CACNA1D: variants seen among roughly 807,000 people sequenced by gnomAD.
CACNA1D encodes the protein voltage-dependent L-type calcium channel subunit alpha-1D.
A neutral mutation model predicts 257.1 loss-of-function variants in CACNA1D; 55 were observed. The observed-to-expected ratio is 0.21, with a 90% CI of 0.17 to 0.27. The LOEUF (loss-of-function observed/expected upper bound fraction) is 0.27, where lower values mean the gene tolerates loss of function less well. CACNA1D is among the 10% of genes least tolerant of loss of function. The pLI is 1.00. For synonymous variants in CACNA1D, 980 were observed against 1,014.9 expected (o/e 0.97, Z 0.65); for missense variants, 1,876 against 2,784.0 (o/e 0.67, Z 7.34).
At chr3:53,531,829 A>G (rs928435254) in intron 3 of CACNA1D, among the ~76,000 whole-genome samples, 1 of 152,208 alleles carries the variant, frequency 6.6e-6, no homozygotes, top group Non-Finnish European at 1.5e-5. Flanking sequence ...TCTTGAGCAA[A>G]TCAATCTTGC....
intron 37 of CACNA1D, 72 bp downstream of exon 37, chr3:53,777,028 G>A (rs2095401725): frequency 7.1e-6 from 8 of 1,126,452 alleles, no homozygotes; most frequent in Non-Finnish European, 1.1e-5. Flanking sequence ...CACTTGTTAA[G>A]TGACACAGCC....
chr3:53,513,379 C>T (rs561466544), intron 3 of CACNA1D, among the ~76,000 whole-genome samples: 2 of 152,342 alleles, frequency 1.3e-5, no homozygotes, highest in South Asian at 4.1e-4. Flanking sequence ...GCGTGCCTCA[C>T]ACCTGTAATC....
intron 29 of CACNA1D, among the ~76,000 whole-genome samples, chr3:53,755,139 G>C (rs967464681): frequency 6.6e-6 from 1 of 152,054 alleles, no homozygotes; most frequent in African/African-American, 2.4e-5. Context: ...TATTTGTCTG[G>C]ACTGATGGAA....
At chr3:53,612,317 T>C (rs1361920725) in intron 3 of CACNA1D, among the ~76,000 whole-genome samples, 2 of 152,228 alleles carry the variant, frequency 1.3e-5, no homozygotes, top group Admixed American at 1.3e-4. Flanking sequence ...ATTTTCTTCC[T>C]TTAAAGAATG....
At chr3:53,739,495 A>G (rs1325473666) in intron 20 of CACNA1D, among the ~76,000 whole-genome samples, 3 of 152,228 alleles carry the variant, frequency 2.0e-5, no homozygotes, top group Non-Finnish European at 2.9e-5. Flanking sequence ...GACCCCAGAA[A>G]GGGCTAGCAG....
chr3:53,714,889 T>C (rs1000639222), intron 9 of CACNA1D, among the ~76,000 whole-genome samples: 2 of 152,134 alleles, frequency 1.3e-5, no homozygotes, highest in Admixed American at 6.5e-5. Context: ...TGAGATCCTA[T>C]TGGGGCTAAA....
chr3:53,512,014 G>A (rs1032199221), intron 3 of CACNA1D, among the ~76,000 whole-genome samples: 5 of 152,156 alleles, frequency 3.3e-5, no homozygotes, highest in African/African-American at 1.2e-4. Context: ...ATGAAACACT[G>A]TTTATATTTA....
intron 8 of CACNA1D, among the ~76,000 whole-genome samples, chr3:53,684,335 A>C (rs1270484200): frequency 2.0e-5 from 3 of 152,162 alleles, no homozygotes; most frequent in Admixed American, 1.3e-4. Context: ...AAAAACGAGG[A>C]GCATGGCCGG....
chr3:53,667,564 T>C (rs530515864), intron 7 of CACNA1D, among the ~76,000 whole-genome samples: 1 of 152,370 alleles, frequency 6.6e-6, no homozygotes, highest in East Asian at 1.9e-4. Flanking sequence ...TTCTAAATTT[T>C]AGATACTTTT....
chr3:53,594,240 T>C (rs1306149293), intron 3 of CACNA1D, among the ~76,000 whole-genome samples: 1 of 152,230 alleles, frequency 6.6e-6, no homozygotes, highest in Non-Finnish European at 1.5e-5. Context: ...TTTTACAGCA[T>C]TCGAAGCAAC....
intron 3 of CACNA1D, among the ~76,000 whole-genome samples, chr3:53,505,039 G>A (rs1341396306): frequency 6.6e-6 from 1 of 151,544 alleles, no homozygotes. Flanking sequence ...GGAGGCAAAG[G>A]CCCATGGCCC....
chr3:53,530,117 T>C (rs890205515), intron 3 of CACNA1D, among the ~76,000 whole-genome samples: 2 of 152,224 alleles, frequency 1.3e-5, no homozygotes, highest in African/African-American at 4.8e-5. Context: ...AGAAGGGTTA[T>C]AAATTCAGTG....
chr3:53,573,347 C>T (rs2092981016), intron 3 of CACNA1D, among the ~76,000 whole-genome samples: 1 of 152,228 alleles, frequency 6.6e-6, no homozygotes, highest in East Asian at 1.9e-4. Context: ...CCACACTTGT[C>T]TCCTTGCTGT....
rs113043901 is a variant in CACNA1D, at chr3:53,774,893, G to A, written c.4202+215G>A. Reference sequence around the variant, plus strand: ...TTGTTAAAACTGCTGTGGTAATCCCGATTGTGGCTGGCATAAGGTTTATTC... The same window carrying A: ...TTGTTAAAACTGCTGTGGTAATCCCAATTGTGGCTGGCATAAGGTTTATTC... On this transcript the variant is annotated intron_variant, in intron 34 of 47. Coordinates refer to ENST00000350061, the MANE Select transcript of CACNA1D (RefSeq NM_001128840.3). The surrounding 1 kb of genome is among the most constrained non-coding windows in gnomAD (Gnocchi z 4.3). 5.9e-5 allele frequency among the ~76,000 whole-genome samples: 9 copies of A among 152,312 alleles called. No homozygotes were observed. In the East Asian group the frequency reaches 1.2e-3, roughly 20 times the overall value.
chr3:53,540,735 C>T (rs867092100), intron 3 of CACNA1D, among the ~76,000 whole-genome samples: 11 of 152,034 alleles, frequency 7.2e-5, no homozygotes, highest in Middle Eastern at 3.2e-3. Flanking sequence ...GTCATGGTGG[C>T]ATGATATATG....
At chr3:53,728,888 G>T (rs2094961367) in intron 15 of CACNA1D, among the ~76,000 whole-genome samples, 1 of 152,208 alleles carries the variant, frequency 6.6e-6, no homozygotes, top group Non-Finnish European at 1.5e-5. Flanking sequence ...CTTTAGGAGG[G>T]TCTGAGTAAT....
At chr3:53,591,062 C>G (rs1393719239) in intron 3 of CACNA1D, among the ~76,000 whole-genome samples, 1 of 152,152 alleles carries the variant, frequency 6.6e-6, no homozygotes, top group African/African-American at 2.4e-5. Flanking sequence ...CAGCTCACTT[C>G]CCACATCACT....
rs78413425 is a variant in CACNA1D, at chr3:53,780,003, G to T, written c.4588-23G>T. On this transcript the variant is annotated intron_variant, in intron 37 of 47. Coordinates refer to ENST00000350061, the MANE Select transcript of CACNA1D (RefSeq NM_001128840.3). ...TGGTCACTCATTTGCATTCTACAAA[G>T]AAACCTTCCTTTCTGTTTACAGAGA... 529 of 1,540,578 alleles carry T rather than the reference G, an allele frequency of 3.4e-4. 3 individuals are homozygous for T. In the African/African-American group the frequency reaches 6.5e-3, roughly 19 times the overall value.
At chr3:53,676,950 G>T (rs1009347006) in intron 8 of CACNA1D, among the ~76,000 whole-genome samples, 1 of 152,188 alleles carries the variant, frequency 6.6e-6, no homozygotes, top group Non-Finnish European at 1.5e-5. Context: ...ACCTTAAGTT[G>T]TCATTGAGGA....
Sources: gnomAD v4.1 joint callset for allele counts (sites outside exome capture counted in the v4.1 genomes callset) on GRCh38, gnomAD v4.1.1 for gene constraint, Gnocchi (gnomAD v3.1) non-coding constraint, MANE v1.5 for transcripts, NCBI Gene and HGNC (gene_info 2026-07-23, HGNC 2026-07-21) for gene names.